Variants in ZFPM2 observed in about 807,000 individuals in gnomAD.
The protein encoded by ZFPM2 is zinc finger protein ZFPM2.
Under a neutral mutation model 98.6 loss-of-function variants are expected in ZFPM2, and 20 were observed. The ratio of observed to expected loss-of-function variants is 0.20; its 90% CI spans 0.14 to 0.29. The LOEUF (loss-of-function observed/expected upper bound fraction) is 0.29. ZFPM2 is among the 10% of genes least tolerant of loss of function. The pLI is 1.00. For synonymous variants in ZFPM2, 518 were observed against 502.7 expected (o/e 1.03, Z -0.41); for missense variants, 1,310 against 1,388.6 (o/e 0.94, Z 0.90).
intron 3 of ZFPM2, among the ~76,000 whole-genome samples, chr8:105,498,592 A>G (rs1813524427): frequency 6.6e-6 from 1 of 152,148 alleles, no homozygotes. Flanking sequence ...TTTCATTTTT[A>G]TATCCCAAGC....
intron 3 of ZFPM2, among the ~76,000 whole-genome samples, chr8:105,453,621 A>AG (rs1222790819): frequency 6.6e-6 from 1 of 150,470 alleles, no homozygotes; most frequent in East Asian, 2.0e-4. Context: ...TTTTTTCTGG[A>AG]GTTTTTTTTG....
chr8:105,518,593 G>A (rs1347621705), intron 3 of ZFPM2, among the ~76,000 whole-genome samples: 2 of 152,184 alleles, frequency 1.3e-5, no homozygotes, highest in African/African-American at 2.4e-5. Context: ...CCACATAACT[G>A]CTATAAGCAG....
intron 4 of ZFPM2, among the ~76,000 whole-genome samples, chr8:105,619,687 C>G (rs1446565494): frequency 6.6e-6 from 1 of 151,538 alleles, no homozygotes; most frequent in Admixed American, 6.6e-5. Context: ...TCCCGCCTCC[C>G]CCCACCCCGC....
intron 2 of ZFPM2, among the ~76,000 whole-genome samples, chr8:105,437,547 G>T (rs1812148823): frequency 6.6e-6 from 1 of 152,128 alleles, no homozygotes; most frequent in Admixed American, 6.5e-5. Context: ...GGCATATACT[G>T]AATGAAGGAA....
intron 6 of ZFPM2, among the ~76,000 whole-genome samples, chr8:105,790,377 T>A (rs998639705): frequency 2.0e-5 from 3 of 152,206 alleles, no homozygotes; most frequent in African/African-American, 7.2e-5. Flanking sequence ...CTGAGGTTTG[T>A]CAAAGATCAG....
chr8:105,329,991 G>T (rs1373056639), intron 1 of ZFPM2, among the ~76,000 whole-genome samples: 3 of 151,676 alleles, frequency 2.0e-5, no homozygotes, highest in African/African-American at 7.3e-5. Flanking sequence ...ATAGAAAAAT[G>T]TTGTAGAACA....
intron 1 of ZFPM2, among the ~76,000 whole-genome samples, chr8:105,408,507 G>A (rs1811509254): frequency 6.6e-6 from 1 of 151,714 alleles, no homozygotes; most frequent in Admixed American, 6.6e-5. Flanking sequence ...GTCTTGTTAG[G>A]GTTTTGCAAC....
Position 105,536,597 on chromosome 8 carries a change from T to G in ZFPM2, c.302-24766T>G, listed in dbSNP as rs376413759. Among the ~76,000 whole-genome samples, 6 of 152,148 alleles carry G rather than the reference T, an allele frequency of 3.9e-5. No individual in the cohort carries two copies. The East Asian group carries it at 1.2e-3, about 29-fold the overall frequency. ...CAAACAATGAGAATTCCTTGAGATG[T>G]TTAAAAGACACATTTATGAACACAG... On this transcript the variant is annotated intron_variant, in intron 3 of 7. Transcript: ENST00000407775.
intron 1 of ZFPM2, among the ~76,000 whole-genome samples, chr8:105,355,869 G>C (rs1418920126): frequency 2.0e-5 from 3 of 152,166 alleles, no homozygotes; most frequent in Non-Finnish European, 2.9e-5. Context: ...CATTTAAATG[G>C]AATATGTGTT....
chr8:105,321,621 T>C (rs1812027026), intron 1 of ZFPM2, among the ~76,000 whole-genome samples: 1 of 152,110 alleles, frequency 6.6e-6, no homozygotes, highest in South Asian at 2.1e-4. Context: ...TTTTACTGCA[T>C]ACAGTTCCCT....
At chr8:105,347,783 A>G (rs1812566432) in intron 1 of ZFPM2, among the ~76,000 whole-genome samples, 1 of 152,160 alleles carries the variant, frequency 6.6e-6, no homozygotes, top group Non-Finnish European at 1.5e-5. Flanking sequence ...TTAAATTTCA[A>G]ATTAGTTGCT....
chr8:105,446,141 C>T (rs766737935), intron 3 of ZFPM2, among the ~76,000 whole-genome samples: 3 of 152,052 alleles, frequency 2.0e-5, no homozygotes, highest in Admixed American at 6.6e-5. Context: ...AGGATGGTCT[C>T]GATCTCCTGA....
intron 3 of ZFPM2, among the ~76,000 whole-genome samples, chr8:105,513,949 C>T (rs1053607924): frequency 2.6e-5 from 4 of 151,310 alleles, no homozygotes; most frequent in East Asian, 1.9e-4. Flanking sequence ...TGGTTGAAAA[C>T]GTGGATTTTT....
intron 1 of ZFPM2, among the ~76,000 whole-genome samples, chr8:105,334,805 G>A (rs559103819): frequency 6.6e-6 from 1 of 151,616 alleles, no homozygotes; most frequent in Non-Finnish European, 1.5e-5. Flanking sequence ...TTTTAAATTG[G>A]CCCTGGGCCC....
At position 105,525,035 on chromosome 8, in the gene ZFPM2, A is replaced by G. The variant is rs577407131; in HGVS notation, c.302-36328A>G. ...TTCTTCTTCCACGGGAAAATTTTCA[A>G]TCACAATCTTCTGCAGCAATTGACA... is the stretch of plus-strand genomic sequence containing the variant. On this transcript the variant is annotated intron_variant, in intron 3 of 7. Coordinates refer to ENST00000407775, the MANE Select transcript of ZFPM2 (RefSeq NM_012082.4). 4.6e-5 allele frequency among the ~76,000 whole-genome samples: 7 copies of G among 152,320 alleles called. No homozygotes were observed. The South Asian group carries it at 6.2e-4, about 14-fold the overall frequency.
chr8:105,742,090 T>A (rs1812228743), intron 5 of ZFPM2, among the ~76,000 whole-genome samples: 1 of 151,778 alleles, frequency 6.6e-6, no homozygotes, highest in African/African-American at 2.4e-5. Context: ...TCCCAGCACT[T>A]TGGGAGGCCA....
At chr8:105,730,757 C>T (rs527262687) in intron 5 of ZFPM2, among the ~76,000 whole-genome samples, 2 of 147,646 alleles carry the variant, frequency 1.4e-5, no homozygotes, top group Admixed American at 1.4e-4. Flanking sequence ...CAAAGCGACA[C>T]CTGAACTTTT....
chr8:105,371,977 T>C (rs1482138551), intron 1 of ZFPM2, among the ~76,000 whole-genome samples: 1 of 151,216 alleles, frequency 6.6e-6, no homozygotes, highest in Non-Finnish European at 1.5e-5. Flanking sequence ...ACATTTCAAA[T>C]GGTTCACAAA....
chr8:105,586,399 G>A (rs1563731328), intron 4 of ZFPM2, among the ~76,000 whole-genome samples: 1 of 146,406 alleles, frequency 6.8e-6, no homozygotes, highest in Non-Finnish European at 1.5e-5. Flanking sequence ...ACCGAGTTGT[G>A]CTGGAATTTT....
Sources: allele counts gnomAD v4.1 joint callset (sites outside exome capture counted in the v4.1 genomes callset), GRCh38; gene constraint gnomAD v4.1.1; transcripts MANE v1.5; gene names NCBI Gene and HGNC (gene_info 2026-07-23, HGNC 2026-07-21).